The following NFU1 variants were observed in gnomAD, a reference collection of about 807,000 sequenced individuals.
NFU1 encodes the protein NFU1 iron-sulfur cluster scaffold.
NFU1 carries 30 observed loss-of-function variants against 32.2 expected under a neutral mutation model. That is an observed-to-expected ratio of 0.93 (90% CI 0.70 to 1.26). NFU1 has a LOEUF of 1.26. Ranked by LOEUF, NFU1 falls within the 50% of genes most tolerant of loss-of-function variation. The pLI, the probability that NFU1 is intolerant of heterozygous loss-of-function variation, is 0.00. For missense variants in NFU1, 306 were observed against 306.6 expected (o/e 1.00, Z 0.02); for synonymous variants, 112 against 104.6 (o/e 1.07, Z -0.43).
chr2:69,433,084 AGGTTG>A (rs1673700223), intron 1 of NFU1, among the ~76,000 whole-genome samples: 1 of 64,170 alleles, frequency 1.6e-5, no homozygotes, highest in African/African-American at 1.2e-4. Context: ...CAGGAGGCGT[AGGTTG>A]CAGTGAGCCG....
At position 69,414,574 on chromosome 2, in the gene NFU1, C is replaced by T. The variant is rs1478501619; in HGVS notation, c.484+611G>A. ...TGGGGGTTGCAGTGAGCCAACATTG[C>T]GTCACTGCACTCCAACTGGGGTGAC... On this transcript the variant is annotated intron_variant, in intron 5 of 7. Transcript: ENST00000410022. Among the ~76,000 whole-genome samples the T allele has an allele frequency of 4.5e-5, 6 of 134,198 alleles. No individual in the cohort carries two copies. In the East Asian group the frequency reaches 7.0e-4, roughly 16 times the overall value. The allele number at this position is 134,198 out of a possible 152,430, so 88.0% of individuals were successfully genotyped here.
At chr2:69,410,246 G>A (rs190201693) in intron 5 of NFU1, among the ~76,000 whole-genome samples, 4 of 152,102 alleles carry the variant, frequency 2.6e-5, no homozygotes, top group Admixed American at 1.3e-4. Context: ...AAAATCAGTC[G>A]GGCATGGTGT....
chr2:69,397,620 A>T (rs1672383147), intron 7 of NFU1, among the ~76,000 whole-genome samples: 1 of 150,956 alleles, frequency 6.6e-6, no homozygotes, highest in Non-Finnish European at 1.5e-5. Flanking sequence ...TTTTTTTTTA[A>T]AAAAAATCTA....
Position 69,421,562 on chromosome 2 carries a change from C to CTTTTTTTT in NFU1, c.303-1966_303-1959dup, listed in dbSNP as rs763705011. On this transcript the variant is annotated intron_variant, in intron 3 of 7. Coordinates refer to ENST00000410022, the MANE Select transcript of NFU1 (RefSeq NM_001002755.4). ...CATCCCAACAATTTTATCATTTGTG[C>CTTTTTTTT]TTTTTTTTTTTTTTTTTTTTTTTTT... Among the ~76,000 whole-genome samples, 176 of 70,766 alleles carry CTTTTTTTT rather than the reference C, an allele frequency of 2.5e-3. 1 individual carries two copies. Among genetic ancestry groups the CTTTTTTTT allele is most frequent in the Non-Finnish European group, 3.1e-3 (125 of 40,380 alleles). The allele number at this position is 70,766 out of a possible 152,430, so 46.4% of individuals were successfully genotyped here.
chr2:69,415,381 C>CTT lies in NFU1; in HGVS notation c.370-84_370-83dup, dbSNP rs34747434. On this transcript the variant is annotated intron_variant, in intron 4 of 7. Coordinates refer to ENST00000410022, the MANE Select transcript of NFU1 (RefSeq NM_001002755.4). ...GAACACTACCTTATACCTCTTTTTTCTTTTTTTTTTTTGAGATGGAGTCTC... is the reference window on the plus strand; with the variant it reads ...GAACACTACCTTATACCTCTTTTTTCTTTTTTTTTTTTTTGAGATGGAGTCTC... The CTT allele has an allele frequency of 5.6e-3, 3,553 of 632,784 alleles. 9 individuals carry two copies. The highest frequency in any genetic ancestry group is 0.024 in the African/African-American group (1,233 of 51,184). 39.2% of individuals were successfully genotyped at this position (632,784 alleles called of 1,614,324 possible). A position where few individuals can be genotyped will look rare whatever the true frequency, so the allele number is the denominator to read the frequency against.
intron 3 of NFU1, among the ~76,000 whole-genome samples, chr2:69,423,191 T>G: frequency 3.2e-5 from 2 of 62,312 alleles, no homozygotes; most frequent in African/African-American, 6.3e-5. Flanking sequence ...TGTGGTGAGA[T>G]GGGCTGTGTG....
At chr2:69,425,527 G>GT (rs1329046458) in intron 2 of NFU1, among the ~76,000 whole-genome samples, 27 of 151,126 alleles carry the variant, frequency 1.8e-4, no homozygotes, top group African/African-American at 6.3e-4. Context: ...GCTAATTTTT[G>GT]TATTTTTAGT....
At chr2:69,428,700 A>G (rs1673544686) in intron 2 of NFU1, among the ~76,000 whole-genome samples, 2 of 145,586 alleles carry the variant, frequency 1.4e-5, no homozygotes, top group Non-Finnish European at 3.1e-5. Flanking sequence ...ATAGGAAAAT[A>G]CATTTAAGAT....
At chr2:69,397,073 C>CA (rs770570734) in intron 7 of NFU1, among the ~76,000 whole-genome samples, 1,966 of 110,868 alleles carry the variant, frequency 0.018, 40 homozygotes, top group African/African-American at 0.052. Flanking sequence ...GACTCCGTCT[C>CA]AAAAAAAAAA....
At chr2:69,421,283 T>C (rs1341424026) in intron 3 of NFU1, among the ~76,000 whole-genome samples, 2 of 151,952 alleles carry the variant, frequency 1.3e-5, no homozygotes, top group African/African-American at 2.4e-5. Context: ...TGAGAAGTGA[T>C]ATGTTTAAGA....
chr2:69,408,861 CTTTTTTT>C (rs1173785443), intron 5 of NFU1, among the ~76,000 whole-genome samples: 4 of 67,768 alleles, frequency 5.9e-5, no homozygotes, highest in African/African-American at 1.8e-4. Context: ...CAGGCTTGTG[CTTTTTTT>C]TTTTTTTTTT....
chr2:69,423,209 GGGGGGGGGCGGGTAGAGA>G (rs1673311989), intron 3 of NFU1, among the ~76,000 whole-genome samples: 1 of 47,628 alleles, frequency 2.1e-5, no homozygotes, highest in Non-Finnish European at 4.2e-5. Context: ...GTGTGTGTGT[GGGGGGGGGCGGGTAGAGA>G]TGGGCTCTCT....
intron 5 of NFU1, among the ~76,000 whole-genome samples, chr2:69,411,759 ATTTTTGTATT>A (rs1672887740): frequency 6.6e-6 from 1 of 151,942 alleles, no homozygotes; most frequent in South Asian, 2.1e-4. Context: ...TGCCCAGCTA[ATTTTTGTATT>A]TTTTCGTAAA....
At chr2:69,414,618 T>TAAA (rs57180785) in intron 5 of NFU1, among the ~76,000 whole-genome samples, 11 of 81,206 alleles carry the variant, frequency 1.4e-4, no homozygotes, top group South Asian at 4.7e-4. Flanking sequence ...AGTCTGTCTC[T>TAAA]AAAAAAAAAA....
Position 69,431,921 on chromosome 2 carries a change from AG to A in NFU1, c.146del (p.Pro49LeufsTer8), listed in dbSNP as rs1489147611. The A allele has an allele frequency of 4.3e-6, 7 of 1,612,134 alleles. No individual in the cohort carries two copies. Among genetic ancestry groups the A allele is most frequent in the Non-Finnish European group, 5.9e-6 (7 of 1,178,312 alleles). On this transcript the variant is annotated frameshift_variant, in exon 2 of 8. Transcript: ENST00000410022. LOFTEE classifies it high-confidence loss of function. ...QFVQRPLFPL[P>X]AAFYHPVRYM... is the part of the protein sequence containing the mutation. ...TTTTACCTGGGTGATAAAAGGCTGC[AG>A]GTAGTGGGAAAAGTGGTCTTTGTAC...
chr2:69,399,397 C>CAAA, intron 7 of NFU1: 2 of 353,230 alleles, frequency 5.7e-6, no homozygotes, highest in Admixed American at 3.1e-5. Flanking sequence ...GGTATGTTGG[C>CAAA]AAAAAAAAAA....
At chr2:69,415,326 T>A (rs1160477696) in intron 4 of NFU1, 27 bp from the exon 5 acceptor site, 7 of 1,383,888 alleles carry the variant, frequency 5.1e-6, no homozygotes, top group Non-Finnish European at 7.2e-6. Flanking sequence ...GAAAATGCTG[T>A]ATTTCCAGGC....
intron 1 of NFU1, among the ~76,000 whole-genome samples, chr2:69,434,150 T>TC (rs1673750024): frequency 1.7e-4 from 24 of 142,546 alleles, no homozygotes; most frequent in African/African-American, 1.9e-4. Context: ...TTTTTTTTTC[T>TC]TTTTTTTTTT....
At chr2:69,408,752 A>C (rs940639822) in intron 5 of NFU1, among the ~76,000 whole-genome samples, 2 of 132,304 alleles carry the variant, frequency 1.5e-5, no homozygotes, top group Non-Finnish European at 3.1e-5. Flanking sequence ...ATATATATAT[A>C]TATATATATA....
Sources: allele counts gnomAD v4.1 joint callset (sites outside exome capture counted in the v4.1 genomes callset), GRCh38; gene constraint gnomAD v4.1.1; transcripts MANE v1.5; gene names NCBI Gene and HGNC (gene_info 2026-07-23, HGNC 2026-07-21).